Variants in AGBL4 observed in about 807,000 individuals in gnomAD.
The protein encoded by AGBL4 is cytosolic carboxypeptidase 6.
In AGBL4, 58 loss-of-function variants were observed where a neutral mutation model predicts 66.4. The ratio of observed to expected loss-of-function variants is 0.87; its 90% CI spans 0.71 to 1.09. The LOEUF is 1.09. Ranked by LOEUF, AGBL4 falls within the 50% of genes least tolerant of loss-of-function variation. The probability of loss-of-function intolerance (pLI) is 0.00; values close to 1 mark genes in which losing one functional copy is unlikely to be tolerated. For missense variants in AGBL4, 579 were observed against 631.0 expected (o/e 0.92, Z 0.88); for synonymous variants, 234 against 222.9 (o/e 1.05, Z -0.44).
chr1:49,109,993 C>A (rs1360659658), intron 4 of AGBL4, among the ~76,000 whole-genome samples: 1 of 152,202 alleles, frequency 6.6e-6, no homozygotes, highest in Non-Finnish European at 1.5e-5. Flanking sequence ...CATCAACACA[C>A]ACATTCTACC....
At chr1:49,330,152 C>T (rs951468911) in intron 3 of AGBL4, among the ~76,000 whole-genome samples, 44 of 152,334 alleles carry the variant, frequency 2.9e-4, no homozygotes, top group African/African-American at 9.1e-4. Context: ...ATGGTGGCTT[C>T]GCACCTGTAA....
At chr1:48,634,829 A>G (rs955492891) in intron 8 of AGBL4, among the ~76,000 whole-genome samples, 2 of 152,222 alleles carry the variant, frequency 1.3e-5, no homozygotes, top group Admixed American at 1.3e-4. Flanking sequence ...TAAGAAACTG[A>G]GTCACAGAGA....
chr1:49,795,815 G>T (rs1474866837), intron 2 of AGBL4, among the ~76,000 whole-genome samples: 5 of 151,768 alleles, frequency 3.3e-5, no homozygotes, highest in Non-Finnish European at 7.4e-5. Flanking sequence ...GAGGATTACA[G>T]AATTAAATAT....
intron 8 of AGBL4, among the ~76,000 whole-genome samples, chr1:48,644,502 A>G (rs1645804564): frequency 6.6e-6 from 1 of 152,148 alleles, no homozygotes; most frequent in Non-Finnish European, 1.5e-5. Context: ...TGCATGGTAC[A>G]AAGTATGCGC....
At chr1:49,656,004 G>T (rs1646121272) in intron 3 of AGBL4, among the ~76,000 whole-genome samples, 1 of 152,084 alleles carries the variant, frequency 6.6e-6, no homozygotes, top group Non-Finnish European at 1.5e-5. Flanking sequence ...AAAATTAGCT[G>T]GGCATGGTGG....
chr1:49,882,416 T>A (rs1323487493), intron 1 of AGBL4, among the ~76,000 whole-genome samples: 2 of 151,392 alleles, frequency 1.3e-5, no homozygotes, highest in African/African-American at 2.4e-5. Context: ...TTTTTCCAAT[T>A]CTGTGAAGAA....
intron 4 of AGBL4, among the ~76,000 whole-genome samples, chr1:49,162,310 C>G (rs1416771930): frequency 6.6e-6 from 1 of 152,136 alleles, no homozygotes; most frequent in Non-Finnish European, 1.5e-5. Context: ...AAATTGGCAT[C>G]TCATCCCCAA....
chr1:49,862,217 A>C (rs191841979), intron 1 of AGBL4, among the ~76,000 whole-genome samples: 139 of 152,220 alleles, frequency 9.1e-4, no homozygotes, highest in Non-Finnish European at 1.4e-3. Context: ...TAAAAACTCA[A>C]GCAGAAATTC....
intron 11 of AGBL4, among the ~76,000 whole-genome samples, chr1:48,551,003 C>T (rs1644240971): frequency 6.6e-6 from 1 of 152,196 alleles, no homozygotes; most frequent in Admixed American, 6.5e-5. Context: ...GCTTCAGCAT[C>T]CTAATTGGTC....
At chr1:49,147,263 CAAATAG>C (rs1171861957) in intron 4 of AGBL4, among the ~76,000 whole-genome samples, 1 of 152,134 alleles carries the variant, frequency 6.6e-6, no homozygotes, top group African/African-American at 2.4e-5. Context: ...CGAAATCATA[CAAATAG>C]AAATAGAAAG....
At chr1:49,778,773 T>C (rs893036405) in intron 2 of AGBL4, among the ~76,000 whole-genome samples, 5 of 151,908 alleles carry the variant, frequency 3.3e-5, no homozygotes, top group African/African-American at 1.2e-4. Context: ...CACATGAACA[T>C]AAAAATGGAA....
In AGBL4 at chr1:49,420,262, C is replaced by A. The variant is rs1317399958; in HGVS notation, c.283-174398G>T. On this transcript the variant is annotated intron_variant, in intron 3 of 13. Transcript: ENST00000371839. ...GTCAGATATACAAGGGTTGGCATTA[C>A]AGTTCTATATCAAGGTATGAAATTG... Among the ~76,000 whole-genome samples the A allele has an allele frequency of 2.0e-5, 3 of 152,142 alleles. No homozygotes were observed. The East Asian group carries it at 5.8e-4, about 29-fold the overall frequency.
intron 6 of AGBL4, among the ~76,000 whole-genome samples, chr1:48,718,024 T>TG: frequency 6.6e-6 from 1 of 152,192 alleles, no homozygotes; most frequent in South Asian, 2.1e-4. Flanking sequence ...GGAAAGGATG[T>TG]GGGGAAAGCA....
At position 49,344,227 on chromosome 1, in the gene AGBL4, T is replaced by G. The variant is rs569463070; in HGVS notation, c.283-98363A>C. 1.7e-3 allele frequency among the ~76,000 whole-genome samples: 265 copies of G among 152,212 alleles called. 1 individual carries two copies. The highest frequency in any genetic ancestry group is 5.9e-3 in the African/African-American group (247 of 41,528). ...AGAGTTAACATTGTAACATATGTAA[T>G]TAAGACTACTGGAGTGTGGCACATG... On this transcript the variant is annotated intron_variant, in intron 3 of 13. Coordinates refer to ENST00000371839, the MANE Select transcript of AGBL4 (RefSeq NM_032785.4).
At chr1:49,964,921 G>A (rs1657428467) in intron 1 of AGBL4, among the ~76,000 whole-genome samples, 1 of 152,066 alleles carries the variant, frequency 6.6e-6, no homozygotes, top group African/African-American at 2.4e-5. Flanking sequence ...CTGAACAGCT[G>A]AATGTGAATA....
intron 6 of AGBL4, among the ~76,000 whole-genome samples, chr1:48,831,826 T>C (rs1236817056): frequency 6.6e-6 from 1 of 152,204 alleles, no homozygotes; most frequent in Non-Finnish European, 1.5e-5. Context: ...TTCTTTTTGC[T>C]GAGTGAGGAT....
At chr1:49,897,278 C>T (rs1315204898) in intron 1 of AGBL4, among the ~76,000 whole-genome samples, 1 of 151,874 alleles carries the variant, frequency 6.6e-6, no homozygotes, top group Non-Finnish European at 1.5e-5. Flanking sequence ...ACACAATCAA[C>T]ATACAAAAAA....
intron 12 of AGBL4, among the ~76,000 whole-genome samples, chr1:48,538,519 G>A (rs1644009707): frequency 6.6e-6 from 1 of 152,144 alleles, no homozygotes; most frequent in South Asian, 2.1e-4. Context: ...TACTTGCGGT[G>A]AACCTTAGCT....
At chr1:49,898,339 A>T (rs1649423961) in intron 1 of AGBL4, among the ~76,000 whole-genome samples, 2 of 152,158 alleles carry the variant, frequency 1.3e-5, no homozygotes, top group African/African-American at 4.8e-5. Context: ...GAAGACATAC[A>T]AATGACAAGT....
Sources: allele counts gnomAD v4.1 joint callset (sites outside exome capture counted in the v4.1 genomes callset), GRCh38; gene constraint gnomAD v4.1.1; transcripts MANE v1.5; gene names NCBI Gene and HGNC (gene_info 2026-07-23, HGNC 2026-07-21).